Variants in CSMD1 observed in about 807,000 individuals in gnomAD.
The protein encoded by CSMD1 is CUB and sushi domain-containing protein 1.
A neutral mutation model predicts 417.5 loss-of-function variants in CSMD1; 213 were observed. The ratio of observed to expected loss-of-function variants is 0.51; its 90% CI spans 0.46 to 0.57. The LOEUF (loss-of-function observed/expected upper bound fraction) is 0.57. CSMD1 is among the 20% of genes least tolerant of loss of function. CSMD1 has a pLI of 0.00. For missense variants in CSMD1, 6,923 were observed against 4,529.7 expected (o/e 1.53, Z -15.17); for synonymous variants, 2,862 against 1,736.8 (o/e 1.65, Z -16.11).
intron 25 of CSMD1, among the ~76,000 whole-genome samples, chr8:3,306,357 G>A (rs1219883186): frequency 6.6e-6 from 1 of 152,118 alleles, no homozygotes; most frequent in Non-Finnish European, 1.5e-5. Flanking sequence ...TATTTTTAGT[G>A]GTGATGGAGT....
At chr8:4,174,102 G>A (rs572298245) in intron 3 of CSMD1, among the ~76,000 whole-genome samples, 1 of 152,290 alleles carries the variant, frequency 6.6e-6, no homozygotes, top group South Asian at 2.1e-4. Flanking sequence ...GAGACTCACA[G>A]AGTGGAGGGT....
At chr8:3,498,127 T>C (rs746929692) in intron 10 of CSMD1, among the ~76,000 whole-genome samples, 1 of 152,240 alleles carries the variant, frequency 6.6e-6, no homozygotes, top group Non-Finnish European at 1.5e-5. Flanking sequence ...TATATCACCC[T>C]GTTCTCCCCT....
chr8:3,860,255 C>T (rs1330524570), intron 5 of CSMD1, among the ~76,000 whole-genome samples: 1 of 152,034 alleles, frequency 6.6e-6, no homozygotes, highest in African/African-American at 2.4e-5. Context: ...TTCAGTCAGA[C>T]CATTGTGAAG....
intron 3 of CSMD1, among the ~76,000 whole-genome samples, chr8:4,230,191 C>G (rs1333561747): frequency 6.6e-6 from 1 of 152,136 alleles, no homozygotes; most frequent in African/African-American, 2.4e-5. Flanking sequence ...GCCAAATTAT[C>G]TTAAGATCTA....
intron 1 of CSMD1, among the ~76,000 whole-genome samples, chr8:4,878,136 G>C (rs1430490794): frequency 6.6e-6 from 1 of 152,082 alleles, no homozygotes; most frequent in Non-Finnish European, 1.5e-5. Flanking sequence ...TTCCTCAGAA[G>C]TGGAGTCTAA....
chr8:4,345,681 A>G (rs1466010284), intron 3 of CSMD1, among the ~76,000 whole-genome samples: 1 of 152,068 alleles, frequency 6.6e-6, no homozygotes, highest in Non-Finnish European at 1.5e-5. Context: ...AAGATATGAA[A>G]TGGCCATGTA....
At chr8:3,189,184 G>C (rs1283043342) in intron 34 of CSMD1, among the ~76,000 whole-genome samples, 173 bp from the exon 35 acceptor site, 1 of 152,096 alleles carries the variant, frequency 6.6e-6, no homozygotes, top group Non-Finnish European at 1.5e-5. Context: ...TTTTAAATTA[G>C]CAAAATAATT....
chr8:2,993,982 A>AC (rs1563215733), intron 54 of CSMD1, among the ~76,000 whole-genome samples: 1 of 102,214 alleles, frequency 9.8e-6, no homozygotes, highest in African/African-American at 8.9e-5. Flanking sequence ...CATCCCTACT[A>AC]AAAAAAAAAA....
chr8:4,052,013 T>G (rs1027181205), intron 3 of CSMD1, among the ~76,000 whole-genome samples: 1 of 151,828 alleles, frequency 6.6e-6, no homozygotes, highest in Non-Finnish European at 1.5e-5. Flanking sequence ...GCAACCTCTG[T>G]CTCCCTGTCA....
At chr8:3,272,794 T>G (rs1801964593) in intron 26 of CSMD1, among the ~76,000 whole-genome samples, 2 of 150,238 alleles carry the variant, frequency 1.3e-5, no homozygotes, top group African/African-American at 4.9e-5. Flanking sequence ...ATCCTGAGAC[T>G]TTGCTGAAGT....
chr8:4,814,585 ATT>A (rs1799097429), intron 1 of CSMD1, among the ~76,000 whole-genome samples: 1 of 152,164 alleles, frequency 6.6e-6, no homozygotes, highest in African/African-American at 2.4e-5. Flanking sequence ...CAATGCTTTA[ATT>A]AGGCAAATAA....
chr8:2,946,850 T>C (rs773346892), intron 68 of CSMD1, among the ~76,000 whole-genome samples: 1 of 152,204 alleles, frequency 6.6e-6, no homozygotes, highest in Non-Finnish European at 1.5e-5. Flanking sequence ...CCCAGCAAAG[T>C]AGGACAGTTC....
chr8:4,614,345 C>G (rs571415395), intron 2 of CSMD1, among the ~76,000 whole-genome samples: 1 of 152,138 alleles, frequency 6.6e-6, no homozygotes, highest in Non-Finnish European at 1.5e-5. Context: ...GCACTCCCAC[C>G]ATTACCTCCA....
At chr8:4,438,659 T>G (rs7001772) in intron 2 of CSMD1, among the ~76,000 whole-genome samples, 44,317 of 152,156 alleles carry the variant, frequency 0.29, 6,806 homozygotes, top group Middle Eastern at 0.35. Context: ...TTACTTGGAA[T>G]TCCTGCAGGT....
rs140713861 is a variant in CSMD1 at position 4,810,072 on chromosome 8, A to T, written c.86-172514T>A. 2.3e-3 allele frequency among the ~76,000 whole-genome samples: 358 copies of T among 152,360 alleles called. 3 individuals carry two copies. The highest frequency in any genetic ancestry group is 8.3e-3 in the African/African-American group (347 of 41,584). The stretch of plus-strand genomic sequence containing the variant: ...TTATACAAAAATACCAGTTAAAGTT[A>T]GCTCATTTGGTAACTATTTCCTTAG... On this transcript the variant is annotated intron_variant, in intron 1 of 69. Coordinates refer to ENST00000635120, the MANE Select transcript of CSMD1 (RefSeq NM_033225.6).
intron 3 of CSMD1, among the ~76,000 whole-genome samples, chr8:4,325,986 G>C (rs970204011): frequency 6.6e-6 from 1 of 152,054 alleles, no homozygotes; most frequent in Non-Finnish European, 1.5e-5. Flanking sequence ...TCCTTCACCT[G>C]GGGTACGAAC....
chr8:2,968,035 A>G (rs1174057490), intron 57 of CSMD1, among the ~76,000 whole-genome samples: 2 of 152,230 alleles, frequency 1.3e-5, no homozygotes, highest in Non-Finnish European at 2.9e-5. Flanking sequence ...ACACAGACCT[A>G]TTAGTAGTTT....
intron 2 of CSMD1, among the ~76,000 whole-genome samples, chr8:4,443,486 TTTC>T (rs374411231): frequency 1.3e-5 from 2 of 152,208 alleles, no homozygotes; most frequent in African/African-American, 4.8e-5. Flanking sequence ...ATCTTATGTG[TTTC>T]TTTATATGCC....
At chr8:3,493,589 C>G (rs1173573957) in intron 11 of CSMD1, 34 bp downstream of exon 11, 3 of 1,551,392 alleles carry the variant, frequency 1.9e-6, no homozygotes, top group Non-Finnish European at 1.8e-6. Flanking sequence ...GCACTGCATG[C>G]ATAAGAGAAG....
Sources: allele counts gnomAD v4.1 joint callset (sites outside exome capture counted in the v4.1 genomes callset), GRCh38; gene constraint gnomAD v4.1.1; transcripts MANE v1.5; gene names NCBI Gene and HGNC (gene_info 2026-07-23, HGNC 2026-07-21).